The following SNX7 variants were observed in gnomAD, a reference collection of about 807,000 sequenced individuals.
SNX7 encodes the protein sorting nexin 7, also known as sorting nexin-7.
In SNX7, 35 loss-of-function variants were observed where a neutral mutation model predicts 48.4. That is an observed-to-expected ratio of 0.72 (90% CI 0.55 to 0.96). The LOEUF is 0.96. SNX7 is among the 40% of genes least tolerant of loss of function. The pLI is 0.00. For synonymous variants in SNX7, 190 were observed against 190.2 expected (o/e 1.00, Z 0.01); for missense variants, 553 against 548.9 (o/e 1.01, Z -0.07).
At chr1:98,691,452 C>T (rs977611656) in intron 3 of SNX7, 83 bp from the exon 4 acceptor site, 1 of 1,181,976 alleles carries the variant, frequency 8.5e-7, no homozygotes, top group Non-Finnish European at 1.1e-6. Context: ...TTCAACTAGT[C>T]TTCCAAACAG....
At chr1:98,745,085 G>A (rs1458951111) in intron 8 of SNX7, among the ~76,000 whole-genome samples, 1 of 152,052 alleles carries the variant, frequency 6.6e-6, no homozygotes, top group Non-Finnish European at 1.5e-5. Flanking sequence ...TTTGTCAATA[G>A]CCTGTCTTAG....
chr1:98,699,633 T>C (rs1157526768), intron 6 of SNX7, among the ~76,000 whole-genome samples: 1 of 152,174 alleles, frequency 6.6e-6, no homozygotes, highest in African/African-American at 2.4e-5. Flanking sequence ...TTCCGTTCTT[T>C]ATAATTGGAA....
intron 8 of SNX7, among the ~76,000 whole-genome samples, chr1:98,739,693 G>C (rs1220047760): frequency 1.3e-5 from 2 of 150,810 alleles, no homozygotes; most frequent in Admixed American, 6.6e-5. Context: ...TGCCAGATAA[G>C]AGTGTGAGAA....
At chr1:98,744,001 T>C (rs1654197915) in intron 8 of SNX7, among the ~76,000 whole-genome samples, 1 of 151,920 alleles carries the variant, frequency 6.6e-6, no homozygotes, top group African/African-American at 2.4e-5. Flanking sequence ...AAACTGAAAA[T>C]CAGAAAAAGT....
chr1:98,745,201 A>T (rs1473488679), intron 8 of SNX7, among the ~76,000 whole-genome samples: 1 of 151,982 alleles, frequency 6.6e-6, no homozygotes, highest in Non-Finnish European at 1.5e-5. Context: ...AATTGTTGCA[A>T]TAGAGGTGTA....
intron 7 of SNX7, among the ~76,000 whole-genome samples, chr1:98,731,019 A>G (rs1347531072): frequency 6.6e-6 from 1 of 152,116 alleles, no homozygotes; most frequent in Non-Finnish European, 1.5e-5. Flanking sequence ...TAGCTAATGC[A>G]TACTAGGCTT....
chr1:98,739,447 G>A (rs1653962280), intron 8 of SNX7, among the ~76,000 whole-genome samples: 2 of 152,104 alleles, frequency 1.3e-5, no homozygotes. Flanking sequence ...TTCACCAAGA[G>A]TTAATTAAGC....
At chr1:98,713,193 T>C (rs1652412608) in intron 7 of SNX7, among the ~76,000 whole-genome samples, 1 of 152,136 alleles carries the variant, frequency 6.6e-6, no homozygotes, top group Non-Finnish European at 1.5e-5. Flanking sequence ...GATAACTTGT[T>C]ATAACTTGTA....
chr1:98,725,099 C>T (rs1243678295), intron 7 of SNX7, among the ~76,000 whole-genome samples: 2 of 152,142 alleles, frequency 1.3e-5, no homozygotes. Flanking sequence ...GAGGTACCCC[C>T]TCATGGGCAA....
chr1:98,679,405 A>G (rs1037167109), intron 1 of SNX7, among the ~76,000 whole-genome samples: 1 of 151,878 alleles, frequency 6.6e-6, no homozygotes, highest in Non-Finnish European at 1.5e-5. Context: ...ATATCACTCC[A>G]CCCCTGGCGC....
chr1:98,738,872 C>T (rs1338662144), intron 8 of SNX7, among the ~76,000 whole-genome samples: 1 of 132,250 alleles, frequency 7.6e-6, no homozygotes, highest in Non-Finnish European at 1.6e-5. Flanking sequence ...TTACAGCTGA[C>T]TTTTCTCAGA....
intron 7 of SNX7, among the ~76,000 whole-genome samples, chr1:98,721,173 C>G (rs1340770243): frequency 1.3e-5 from 2 of 152,046 alleles, no homozygotes; most frequent in Non-Finnish European, 2.9e-5. Context: ...ACATGACGCT[C>G]ACAGGAATGC....
At chr1:98,735,941 C>A (rs540818924) in intron 7 of SNX7, among the ~76,000 whole-genome samples, 11 of 152,180 alleles carry the variant, frequency 7.2e-5, no homozygotes, top group African/African-American at 2.6e-4. Context: ...ACAGTGAGGG[C>A]AAAGTTCTGA....
chr1:98,698,884 G>A lies in SNX7; in HGVS notation c.1017G>A (p.Val339=), dbSNP rs1403207060. ...TGCTTCCTGTTGTACATGAGTACGT[G>A]CTTTATAGTGAAATGTTAATGGTAA... The part of the protein sequence containing the change: ...EALLPVVHEY[V]LYSEMLMGVM... The change falls in exon 6 of 9, where the codon GTG becomes GTA. Residue 339 remains valine (V), a synonymous_variant. Transcript: ENST00000306121. 1 of 1,613,540 alleles carries A rather than the reference G, an allele frequency of 6.2e-7. No homozygotes were observed. The highest frequency in any genetic ancestry group is 1.1e-5 in the South Asian group (1 of 91,068).
chr1:98,738,368 GA>G lies in SNX7; in HGVS notation c.1259del (p.Asn420IlefsTer61). On this transcript the variant is annotated frameshift_variant, in exon 8 of 9. Transcript: ENST00000306121. LOFTEE classifies it low-confidence loss of function (END_TRUNC). ...KLAFTDMAEENIHYYEQCLAT... is the reference protein window; with the variant it reads ...KLAFTDMAEEXIHYYEQCLAT... ...TAGCATTTACAGATATGGCTGAGGA[GA>G]ATATCCATTATTATGAACAGGTAAT... 1 of 1,613,164 alleles carries G rather than the reference GA, an allele frequency of 6.2e-7. No individual in the cohort carries two copies. The highest frequency in any genetic ancestry group is 8.5e-7 in the Non-Finnish European group (1 of 1,179,490).
intron 7 of SNX7, among the ~76,000 whole-genome samples, chr1:98,719,355 G>A (rs1011513839): frequency 3.3e-5 from 5 of 152,066 alleles, no homozygotes; most frequent in African/African-American, 9.7e-5. Context: ...CCCTCCACCC[G>A]CAGTCTTGTT....
chr1:98,675,680 A>G (rs574423176), intron 1 of SNX7, among the ~76,000 whole-genome samples: 142 of 152,306 alleles, frequency 9.3e-4, no homozygotes, highest in African/African-American at 3.3e-3. Context: ...TGCCCACCAA[A>G]TTAAAATTTG....
intron 1 of SNX7, among the ~76,000 whole-genome samples, chr1:98,670,868 AG>A (rs1649821063): frequency 1.8e-5 from 1 of 55,786 alleles, no homozygotes; most frequent in Non-Finnish European, 3.6e-5. Context: ...AGAGACAGTG[AG>A]TTTTATTTAT....
intron 7 of SNX7, among the ~76,000 whole-genome samples, chr1:98,721,926 G>A (rs937992525): frequency 2.0e-5 from 3 of 151,998 alleles, no homozygotes; most frequent in Non-Finnish European, 2.9e-5. Context: ...ACTGATAGAA[G>A]CACCTAGAAA....
Sources: gnomAD v4.1 joint callset for allele counts (sites outside exome capture counted in the v4.1 genomes callset) on GRCh38, gnomAD v4.1.1 for gene constraint, MANE v1.5 for transcripts, NCBI Gene and HGNC (gene_info 2026-07-23, HGNC 2026-07-21) for gene names.